The following RCOR2 variants were observed in gnomAD, a reference collection of about 807,000 sequenced individuals.
RCOR2 encodes REST corepressor 2.
In RCOR2, 19 loss-of-function variants were observed where a neutral mutation model predicts 58.9. That is an observed-to-expected ratio of 0.32 (90% CI 0.23 to 0.47). RCOR2 has a LOEUF of 0.47. Ranked by LOEUF, RCOR2 falls within the 20% of genes least tolerant of loss-of-function variation. The pLI is 1.00. For missense variants in RCOR2, 590 were observed against 707.9 expected (o/e 0.83, Z 1.89); for synonymous variants, 286 against 278.7 (o/e 1.03, Z -0.26).
intron 9 of RCOR2, 68 bp downstream of exon 9, chr11:63,912,802 A>C (rs1941792918): frequency 6.2e-7 from 1 of 1,607,748 alleles, no homozygotes; most frequent in Non-Finnish European, 8.5e-7. Flanking sequence ...CTCCCCAAGC[A>C]GTACTCTTTC....
At chr11:63,913,770 G>C (rs1941814405) in intron 8 of RCOR2, among the ~76,000 whole-genome samples, 184 bp downstream of exon 8, 1 of 152,176 alleles carries the variant, frequency 6.6e-6, no homozygotes, top group Non-Finnish European at 1.5e-5. Context: ...GCGTGAGCCA[G>C]CGCACCCAGC....
At chr11:63,920,976 G>C (rs1941911530), upstream of RCOR2, among the ~76,000 whole-genome samples, 1 of 152,002 alleles carries the variant, frequency 6.6e-6, no homozygotes, top group African/African-American at 2.4e-5. Context: ...ACCCCGGCAC[G>C]GTGGCCGTGC....
In RCOR2 at chr11:63,916,859, C is replaced by G. The variant is rs1410979783; in HGVS notation, c.-403G>C. 1.8e-5 allele frequency: 3 copies of G among 169,992 alleles called. No individual in the cohort carries two copies. The highest frequency in any genetic ancestry group is 3.8e-5 in the Non-Finnish European group (3 of 79,294). 10.5% of individuals were successfully genotyped at this position (169,992 alleles called of 1,614,324 possible). A position where few individuals can be genotyped will look rare whatever the true frequency, so the allele number is the denominator to read the frequency against. On this transcript the variant is annotated 5_prime_UTR_variant, in exon 1 of 12. Transcript: ENST00000301459. ...CGGCTGGGCGCTGGAGCGCAATCTG[C>G]GCCCCCCGGGCTCTGCGCCTCTCAG...
At position 63,916,453 on chromosome 11, in the gene RCOR2, G is replaced by T. The variant is rs754468663; in HGVS notation, c.4C>A (p.Pro2Thr). The change falls in exon 1 of 12, where the codon CCC becomes ACC. Residue 2 changes from proline to threonine, a missense_variant. Physicochemically the swap from Pro to Thr is conservative, Grantham distance 38. This residue lies in a region of RCOR2 where 390 missense variants were observed against 478.7 expected (regional missense o/e 0.81). Transcript: ENST00000301459. Reference protein sequence around the residue: MPSVMEKPSAGS... With the variant: MTSVMEKPSAGS... ...GCGCTCGGCTTCTCCATCACTGAGGGCATTACCCCGCCCAGCTGCCCCGGG... is the reference window on the plus strand; with the variant it reads ...GCGCTCGGCTTCTCCATCACTGAGGTCATTACCCCGCCCAGCTGCCCCGGG... 6.2e-7 allele frequency: 1 copy of T among 1,607,024 alleles called. No homozygotes were observed. The highest frequency in any genetic ancestry group is 1.7e-5 in the Admixed American group (1 of 59,496).
In RCOR2 at chr11:63,915,590, G is replaced by C; in HGVS notation, c.149C>G (p.Thr50Ser). The change falls in exon 2 of 12, where the codon ACC becomes AGC. Residue 50 changes from threonine (T) to serine (S), a missense_variant. Thr to Ser is a moderately conservative substitution (Grantham distance 58). Coordinates refer to ENST00000301459, the MANE Select transcript of RCOR2 (RefSeq NM_173587.4). The stretch of plus-strand genomic sequence containing the variant: ...CTCCGGAATTACGGCCTGGTAATTG[G>C]TTCCAACGCGGATCATGCTGTCTGT... The part of the protein sequence containing the change: ...HSHDSMIRVG[T>S]NYQAVIPECK... 1 of 1,377,410 alleles carries C rather than the reference G, an allele frequency of 7.3e-7. No individual in the cohort carries two copies. The highest frequency in any genetic ancestry group is 1.2e-5 in the South Asian group (1 of 83,138). 85.3% of individuals were successfully genotyped at this position (1,377,410 alleles called of 1,614,324 possible).
upstream of RCOR2, among the ~76,000 whole-genome samples, chr11:63,920,371 C>T (rs1356055005): frequency 6.6e-6 from 1 of 152,222 alleles, no homozygotes; most frequent in African/African-American, 2.4e-5. Flanking sequence ...CTCCCCTTGC[C>T]GCTCCCTCCT....
chr11:63,913,854 C>T (rs990813186), intron 8 of RCOR2, 100 bp downstream of exon 8: 3 of 1,121,170 alleles, frequency 2.7e-6, no homozygotes, highest in Admixed American at 3.4e-5. Flanking sequence ...TGGGGCTCGG[C>T]CCCTGAACCA....
At chr11:63,917,517 C>T (rs1158219670), upstream of RCOR2, among the ~76,000 whole-genome samples, 1 of 152,178 alleles carries the variant, frequency 6.6e-6, no homozygotes, top group Non-Finnish European at 1.5e-5. Context: ...CCTGCCCGCC[C>T]GCCCGGGTGG....
chr11:63,919,323 G>GC (rs774677969), upstream of RCOR2, among the ~76,000 whole-genome samples: 1 of 152,114 alleles, frequency 6.6e-6, no homozygotes, highest in African/African-American at 2.4e-5. Context: ...TCCCCAGCTG[G>GC]CCCCCTCTTT....
chr11:63,927,443 A>T, the RCOR2 span, among the ~76,000 whole-genome samples: 1 of 151,560 alleles, frequency 6.6e-6, no homozygotes, highest in Non-Finnish European at 1.5e-5. Flanking sequence ...TTAACTTTTT[A>T]TTTTTTATAG....
At chr11:63,913,184 A>ATTTTTT (rs71039683) in intron 8 of RCOR2, among the ~76,000 whole-genome samples, 15 of 77,856 alleles carry the variant, frequency 1.9e-4, no homozygotes, top group Non-Finnish European at 2.1e-4. Context: ...ATATATATAT[A>ATTTTTT]TTTTTTTTTT....
upstream of RCOR2, among the ~76,000 whole-genome samples, chr11:63,917,178 G>A (rs1455919120): frequency 6.6e-6 from 1 of 152,002 alleles, no homozygotes; most frequent in Non-Finnish European, 1.5e-5. Context: ...GCTGCTGGCA[G>A]GGAAGTAGTG....
the RCOR2 span, among the ~76,000 whole-genome samples, chr11:63,923,432 C>T: frequency 6.6e-6 from 1 of 152,178 alleles, no homozygotes; most frequent in Middle Eastern, 3.4e-3. Flanking sequence ...ATGTTCACAC[C>T]CCTCCATCCC....
upstream of RCOR2, among the ~76,000 whole-genome samples, chr11:63,920,135 G>T (rs1004133026): frequency 5.9e-5 from 9 of 152,244 alleles, no homozygotes; most frequent in African/African-American, 2.2e-4. Flanking sequence ...CCCCATGAGG[G>T]CAGGGGCTCT....
At chr11:63,926,432 A>G in the RCOR2 span, among the ~76,000 whole-genome samples, 4 of 151,494 alleles carry the variant, frequency 2.6e-5, no homozygotes, top group Middle Eastern at 3.4e-3. Context: ...GTCTTTATAT[A>G]TACAATACCT....
rs1941784817 is a variant in RCOR2 at position 63,912,550 on chromosome 11, G to A, written c.1028-16C>T. On this transcript the variant is annotated splice_polypyrimidine_tract_variant and intron_variant, in intron 10 of 11. Coordinates refer to ENST00000301459, the MANE Select transcript of RCOR2 (RefSeq NM_173587.4). ...CTACGGATGGCTGCAAGGGTCAAAA[G>A]GGCAGCAGCGTCAATACCCCTTCGA... The A allele has an allele frequency of 1.9e-6, 3 of 1,605,590 alleles. No homozygotes were observed. The highest frequency in any genetic ancestry group is 2.6e-6 in the Non-Finnish European group (3 of 1,172,348).
chr11:63,913,975 C>T lies in RCOR2; in HGVS notation c.870G>A (p.Gln290=), dbSNP rs1358690039. ...ANLTLRGLDS[Q]LISLKRQVQS... is the part of the protein sequence containing the mutation. ...CCACCTGGCGCTTGAGGGAGATGAG[C>T]TGAGAGTCAAGACCTCGGAGCGTGA... The change falls in exon 8 of 12, where the codon CAG becomes CAA. Residue 290 remains glutamine (Q), a synonymous_variant. Coordinates refer to ENST00000301459, the MANE Select transcript of RCOR2 (RefSeq NM_173587.4). 6.2e-7 allele frequency: 1 copy of T among 1,613,676 alleles called. No homozygotes were observed. Among genetic ancestry groups the T allele is most frequent in the East Asian group, 2.2e-5 (1 of 44,894 alleles).
intron 2 of RCOR2, 110 bp from the exon 3 acceptor site, chr11:63,915,368 A>T: frequency 1.7e-6 from 2 of 1,173,142 alleles, no homozygotes; most frequent in Non-Finnish European, 2.5e-6. Context: ...GTTGAGGCCC[A>T]GAAGGGAAGG....
Position 63,913,741 on chromosome 11 carries a change from C to T in RCOR2, c.891+213G>A, listed in dbSNP as rs1421406364. On this transcript the variant is annotated intron_variant, in intron 8 of 11. Coordinates refer to ENST00000301459, the MANE Select transcript of RCOR2 (RefSeq NM_173587.4). ...AGGTGATCCGCCGGCCTCAGTCCCC[C>T]GGAATGCCTGGATTACAGGCGTGAG... Among the ~76,000 whole-genome samples, 5 of 152,300 alleles carry T rather than the reference C, an allele frequency of 3.3e-5. No homozygotes were observed. In the East Asian group the frequency reaches 5.8e-4, roughly 18 times the overall value.
Sources: allele counts gnomAD v4.1 joint callset (sites outside exome capture counted in the v4.1 genomes callset), GRCh38; gene constraint gnomAD v4.1.1; regional missense constraint gnomAD v4.1.1; transcripts MANE v1.5; gene names NCBI Gene and HGNC (gene_info 2026-07-23, HGNC 2026-07-21).